The following ANKS1B variants were observed in gnomAD, a reference collection of about 807,000 sequenced individuals.
ANKS1B encodes the protein ankyrin repeat and sterile alpha motif domain-containing protein 1B.
A neutral mutation model predicts 148.3 loss-of-function variants in ANKS1B; 36 were observed. The observed-to-expected ratio is 0.24, with a 90% CI of 0.19 to 0.32. The LOEUF (loss-of-function observed/expected upper bound fraction) is 0.32. Ranked by LOEUF, ANKS1B falls within the 10% of genes least tolerant of loss-of-function variation. The probability of loss-of-function intolerance (pLI) is 1.00; values close to 1 mark genes in which losing one functional copy is unlikely to be tolerated. For synonymous variants in ANKS1B, 542 were observed against 560.8 expected (o/e 0.97, Z 0.47); for missense variants, 1,157 against 1,542.6 (o/e 0.75, Z 4.19).
chr12:98,895,755 A>C (rs2099763630), intron 17 of ANKS1B, among the ~76,000 whole-genome samples: 1 of 152,188 alleles, frequency 6.6e-6, no homozygotes. Flanking sequence ...TACTACTACC[A>C]ACAGTTGTGG....
intron 17 of ANKS1B, among the ~76,000 whole-genome samples, chr12:98,871,321 G>A (rs1008384488): frequency 1.3e-5 from 2 of 152,070 alleles, no homozygotes; most frequent in African/African-American, 2.4e-5. Flanking sequence ...AGTAAATTCT[G>A]ATATTTAGTC....
intron 14 of ANKS1B, among the ~76,000 whole-genome samples, chr12:99,191,455 T>C (rs937935663): frequency 1.3e-5 from 2 of 152,164 alleles, no homozygotes; most frequent in African/African-American, 4.8e-5. Flanking sequence ...CAAATGCCCA[T>C]CAATGATAGA....
intron 16 of ANKS1B, among the ~76,000 whole-genome samples, chr12:99,082,040 A>C (rs932492634): frequency 1.3e-5 from 2 of 152,114 alleles, no homozygotes; most frequent in African/African-American, 4.8e-5. Flanking sequence ...AGGGCCATAA[A>C]ATCTCAGAGG....
chr12:99,427,860 G>T (rs977931521), intron 11 of ANKS1B, among the ~76,000 whole-genome samples: 14 of 152,292 alleles, frequency 9.2e-5, no homozygotes, highest in African/African-American at 3.4e-4. Flanking sequence ...TAGAGAAAAA[G>T]AGGGAAATGC....
At chr12:99,453,137 A>C (rs1284635611) in intron 10 of ANKS1B, among the ~76,000 whole-genome samples, 1 of 152,078 alleles carries the variant, frequency 6.6e-6, no homozygotes, top group South Asian at 2.1e-4. Context: ...AAAAATACAA[A>C]AAATTAGCCA....
intron 4 of ANKS1B, among the ~76,000 whole-genome samples, chr12:99,784,169 T>TA (rs1491308269): frequency 7.8e-5 from 3 of 38,508 alleles, no homozygotes; most frequent in African/African-American, 2.0e-4. Context: ...CTGAACTTTC[T>TA]TTTTTTTTTT....
intron 10 of ANKS1B, among the ~76,000 whole-genome samples, chr12:99,489,112 C>G (rs112677659): frequency 6.6e-6 from 1 of 151,744 alleles, no homozygotes; most frequent in South Asian, 2.1e-4. Context: ...CATGGTGGCA[C>G]GCACCTATAA....
intron 8 of ANKS1B, among the ~76,000 whole-genome samples, chr12:99,764,392 A>G (rs2062447914): frequency 6.6e-6 from 1 of 152,154 alleles, no homozygotes; most frequent in South Asian, 2.1e-4. Context: ...CGTGGACAAT[A>G]AGAAAGACAG....
At chr12:99,060,694 CACACACAT>C (rs1331606008) in intron 16 of ANKS1B, among the ~76,000 whole-genome samples, 127 of 93,402 alleles carry the variant, frequency 1.4e-3, no homozygotes, top group African/African-American at 4.0e-3. Context: ...CACACACACA[CACACACAT>C]ATATATAGAG....
At chr12:99,968,720 TG>T (rs985805107) in intron 1 of ANKS1B, among the ~76,000 whole-genome samples, 13 of 152,264 alleles carry the variant, frequency 8.5e-5, no homozygotes, top group African/African-American at 2.9e-4. Context: ...GTGTTGGAGG[TG>T]GGGTCTGGTG....
intron 19 of ANKS1B, among the ~76,000 whole-genome samples, chr12:98,814,526 T>G (rs1193789429): frequency 2.0e-5 from 3 of 152,236 alleles, no homozygotes; most frequent in Non-Finnish European, 4.4e-5. Flanking sequence ...GACTTCCTAT[T>G]GGAAGATTCC....
chr12:99,141,232 G>T (rs1292692657), intron 15 of ANKS1B, among the ~76,000 whole-genome samples: 1 of 151,994 alleles, frequency 6.6e-6, no homozygotes, highest in Non-Finnish European at 1.5e-5. Context: ...AGCTATTAGT[G>T]TATTTCCGTA....
chr12:99,233,334 T>C (rs2087222296), intron 14 of ANKS1B, among the ~76,000 whole-genome samples: 1 of 152,050 alleles, frequency 6.6e-6, no homozygotes, highest in Non-Finnish European at 1.5e-5. Flanking sequence ...AGTTTCTAGG[T>C]GAGGAAGTTG....
chr12:99,559,156 G>C (rs183213025), intron 9 of ANKS1B, among the ~76,000 whole-genome samples: 2 of 152,218 alleles, frequency 1.3e-5, no homozygotes, highest in Admixed American at 6.5e-5. Context: ...GATCTGCTTA[G>C]AGTGTACCAG....
chr12:99,530,275 C>T (rs1165370269), intron 9 of ANKS1B, among the ~76,000 whole-genome samples: 1 of 152,148 alleles, frequency 6.6e-6, no homozygotes, highest in African/African-American at 2.4e-5. Flanking sequence ...GCTTCCTACT[C>T]CTACACTCTA....
intron 1 of ANKS1B, among the ~76,000 whole-genome samples, chr12:99,903,751 G>A (rs73147426): frequency 0.19 from 29,310 of 151,858 alleles, 3,064 homozygotes; most frequent in Non-Finnish European, 0.24. Flanking sequence ...AAATGGGAGG[G>A]GGGGAGAGGG....
At chr12:99,456,679 T>C (rs1042705655) in intron 10 of ANKS1B, among the ~76,000 whole-genome samples, 1 of 152,110 alleles carries the variant, frequency 6.6e-6, no homozygotes, top group Non-Finnish European at 1.5e-5. Context: ...ACTTCAGAGC[T>C]TGAAATCAAG....
intron 19 of ANKS1B, among the ~76,000 whole-genome samples, chr12:98,822,730 G>A (rs2099208754): frequency 6.6e-6 from 1 of 152,122 alleles, no homozygotes; most frequent in African/African-American, 2.4e-5. Flanking sequence ...AACGACTGGA[G>A]GTGTTTAGGG....
chr12:99,545,546 G>A (rs941228141), intron 9 of ANKS1B, among the ~76,000 whole-genome samples: 1 of 151,934 alleles, frequency 6.6e-6, no homozygotes, highest in South Asian at 2.1e-4. Context: ...TGCTGTTGAT[G>A]AAGAACTAAA....
Sources: allele counts gnomAD v4.1 joint callset (sites outside exome capture counted in the v4.1 genomes callset), GRCh38; gene constraint gnomAD v4.1.1; transcripts MANE v1.5; gene names NCBI Gene and HGNC (gene_info 2026-07-23, HGNC 2026-07-21).